SKAP1: variants seen among roughly 807,000 people sequenced by gnomAD.
The protein encoded by SKAP1 is src kinase-associated phosphoprotein 1.
SKAP1 carries 44 observed loss-of-function variants against 58.5 expected under a neutral mutation model. The ratio of observed to expected loss-of-function variants is 0.75; its 90% CI spans 0.59 to 0.97. The LOEUF (loss-of-function observed/expected upper bound fraction) is 0.97, where lower values mean the gene tolerates loss of function less well. Ranked by LOEUF, SKAP1 falls within the 50% of genes least tolerant of loss-of-function variation. SKAP1 has a pLI of 0.00. For synonymous variants in SKAP1, 127 were observed against 149.7 expected, an observed-to-expected ratio of 0.85 and a Z score of 1.11; for missense variants, 390 against 435.2, an observed-to-expected ratio of 0.90 and a Z score of 0.92.
At chr17:48,153,752 C>T (rs186288697) in intron 11 of SKAP1, among the ~76,000 whole-genome samples, 2 of 151,926 alleles carry the variant, frequency 1.3e-5, no homozygotes, top group Admixed American at 1.3e-4. Context: ...CTATATTCTC[C>T]CCACTTACTA....
intron 4 of SKAP1, among the ~76,000 whole-genome samples, chr17:48,219,851 T>A (rs539101252): frequency 6.6e-6 from 1 of 152,294 alleles, no homozygotes; most frequent in African/African-American, 2.4e-5. Flanking sequence ...TTCAAAGTCA[T>A]GCAAATGAGG....
At chr17:48,177,694 A>C (rs1182779933) in intron 9 of SKAP1, among the ~76,000 whole-genome samples, 1 of 152,144 alleles carries the variant, frequency 6.6e-6, no homozygotes, top group East Asian at 1.9e-4. Flanking sequence ...CAGCAAGTTC[A>C]GAAGCAACAG....
intron 3 of SKAP1, among the ~76,000 whole-genome samples, chr17:48,361,484 T>G (rs1598613418): frequency 6.6e-6 from 1 of 152,148 alleles, no homozygotes; most frequent in African/African-American, 2.4e-5. Flanking sequence ...ACTGGGATTA[T>G]AGGCATGAGC....
intron 4 of SKAP1, among the ~76,000 whole-genome samples, chr17:48,302,619 C>T (rs982954100): frequency 6.6e-6 from 1 of 152,182 alleles, no homozygotes; most frequent in African/African-American, 2.4e-5. Flanking sequence ...ATATGAAATG[C>T]CCAAGGAAGT....
rs193234117 is a variant in SKAP1 at position 48,222,946 on chromosome 17, C to G, written c.281-33446G>C. Among the ~76,000 whole-genome samples the G allele has an allele frequency of 2.7e-5, 4 of 150,372 alleles. No individual in the cohort carries two copies. The Admixed American group carries it at 2.7e-4, about 10-fold the overall frequency. Reference sequence around the variant, plus strand: ...GGGCGTGGAGGTGAGTGCCTGTAATCCCAGCTACTCGGGAGGCTGAGGCAG... The same window carrying G: ...GGGCGTGGAGGTGAGTGCCTGTAATGCCAGCTACTCGGGAGGCTGAGGCAG... On this transcript the variant is annotated intron_variant, in intron 4 of 12. Transcript: ENST00000336915.
intron 4 of SKAP1, among the ~76,000 whole-genome samples, chr17:48,204,852 G>C (rs749546850): frequency 6.6e-5 from 10 of 152,156 alleles, no homozygotes; most frequent in Non-Finnish European, 1.2e-4. Context: ...CCAAAGCTAA[G>C]AGTTCCATAA....
intron 2 of SKAP1, among the ~76,000 whole-genome samples, chr17:48,381,988 A>G (rs556848659): frequency 6.6e-6 from 1 of 152,344 alleles, no homozygotes; most frequent in Admixed American, 6.5e-5. Flanking sequence ...AGCTGGGTTC[A>G]AATTCCAATT....
chr17:48,426,037 T>C (rs1049744673), intron 1 of SKAP1, among the ~76,000 whole-genome samples: 1 of 152,064 alleles, frequency 6.6e-6, no homozygotes, highest in Non-Finnish European at 1.5e-5. Flanking sequence ...ATCACAAATA[T>C]TTATAAGAAG....
chr17:48,424,106 G>T (rs929817415), intron 1 of SKAP1, among the ~76,000 whole-genome samples: 3 of 152,096 alleles, frequency 2.0e-5, no homozygotes, highest in Admixed American at 2.0e-4. Flanking sequence ...AAACTGGAAA[G>T]TCCAGATCAA....
At chr17:48,281,349 A>G (rs1009630040) in intron 4 of SKAP1, among the ~76,000 whole-genome samples, 1 of 152,110 alleles carries the variant, frequency 6.6e-6, no homozygotes, top group Non-Finnish European at 1.5e-5. Flanking sequence ...AAAGCACTTC[A>G]GTCTACTGGT....
intron 2 of SKAP1, among the ~76,000 whole-genome samples, chr17:48,394,315 G>A (rs1355675344): frequency 6.6e-6 from 1 of 151,982 alleles, no homozygotes; most frequent in Non-Finnish European, 1.5e-5. Context: ...GTTACTGTAT[G>A]GTTCATGTAT....
chr17:48,311,524 T>A (rs1027032508), intron 4 of SKAP1, among the ~76,000 whole-genome samples: 4 of 152,114 alleles, frequency 2.6e-5, no homozygotes, highest in Admixed American at 2.0e-4. Flanking sequence ...AGGGATGTTG[T>A]AAATAGAAAA....
chr17:48,216,494 C>CT (rs34252112), intron 4 of SKAP1, among the ~76,000 whole-genome samples: 325 of 144,794 alleles, frequency 2.2e-3, no homozygotes, highest in Middle Eastern at 3.5e-3. Flanking sequence ...TGTGAATATA[C>CT]TTTTTTTTTT....
intron 4 of SKAP1, among the ~76,000 whole-genome samples, chr17:48,205,051 T>C (rs1306009740): frequency 7.9e-5 from 11 of 139,242 alleles, no homozygotes; most frequent in South Asian, 4.5e-4. Context: ...CTCTCTCTCT[T>C]TCTTTCTTCT....
At chr17:48,372,491 A>G (rs549342244) in intron 2 of SKAP1, among the ~76,000 whole-genome samples, 15 of 148,974 alleles carry the variant, frequency 1.0e-4, no homozygotes, top group African/African-American at 3.5e-4. Context: ...TTTTTAGTAG[A>G]CAGGGGTTTC....
chr17:48,438,035 C>G, the SKAP1 span, among the ~76,000 whole-genome samples: 9 of 152,268 alleles, frequency 5.9e-5, no homozygotes, highest in East Asian at 1.7e-3. Context: ...TGCCACCCCT[C>G]ATATAAGCTT....
At chr17:48,227,600 G>A (rs1330626101) in intron 4 of SKAP1, among the ~76,000 whole-genome samples, 1 of 152,158 alleles carries the variant, frequency 6.6e-6, no homozygotes, top group African/African-American at 2.4e-5. Context: ...AAGAATTTTA[G>A]AATTTTATAG....
At chr17:48,276,156 G>T (rs569987825) in intron 4 of SKAP1, among the ~76,000 whole-genome samples, 2 of 152,146 alleles carry the variant, frequency 1.3e-5, no homozygotes, top group African/African-American at 4.8e-5. Context: ...ACAACTAACC[G>T]TAATCTACCC....
upstream of SKAP1, among the ~76,000 whole-genome samples, chr17:48,432,241 C>A (rs1410298272): frequency 6.6e-6 from 1 of 152,064 alleles, no homozygotes; most frequent in Non-Finnish European, 1.5e-5. Context: ...TCAGCCTGAC[C>A]AATATAGTGA....
Sources: allele counts gnomAD v4.1 joint callset (sites outside exome capture counted in the v4.1 genomes callset), GRCh38; gene constraint gnomAD v4.1.1; transcripts MANE v1.5; gene names NCBI Gene and HGNC (gene_info 2026-07-23, HGNC 2026-07-21).